RABGAP1: variants seen among roughly 807,000 people sequenced by gnomAD.
RABGAP1 encodes RAB GTPase activating protein 1.
RABGAP1 carries 23 observed loss-of-function variants against 137.6 expected under a neutral mutation model. The ratio of observed to expected loss-of-function variants is 0.17; its 90% CI spans 0.12 to 0.24. The LOEUF (loss-of-function observed/expected upper bound fraction) is 0.24, where lower values mean the gene tolerates loss of function less well. RABGAP1 is among the 10% of genes least tolerant of loss of function. The pLI is 1.00. For synonymous variants in RABGAP1, 451 were observed against 450.7 expected, an observed-to-expected ratio of 1.00 and a Z score of -0.01; for missense variants, 906 against 1,275.8, an observed-to-expected ratio of 0.71 and a Z score of 4.42.
rs376345763 is a variant in RABGAP1, at chr9:123,085,170, G to A, written c.2425-4588G>A. 1.8e-4 allele frequency among the ~76,000 whole-genome samples: 28 copies of A among 152,308 alleles called. No homozygotes were observed. The East Asian group carries it at 1.9e-3, about 10-fold the overall frequency. ...GAGAGATGTTTTGGACTGAATTTGT[G>A]CTTCTATCAAAATAACAAACTGGCA... On this transcript the variant is annotated intron_variant, in intron 19 of 25. Transcript: ENST00000373647.
chr9:122,996,693 C>A, intron 8 of RABGAP1, 88 bp downstream of exon 8: 2 of 1,123,238 alleles, frequency 1.8e-6, no homozygotes, highest in Non-Finnish European at 2.6e-6. Flanking sequence ...AGTGTTAAAA[C>A]ATGTTTAAGA....
chr9:122,962,247 AT>A lies in RABGAP1; in HGVS notation c.150+5039del, dbSNP rs879443570. ...CAGAGCTTAAAGATTAAAAAAAAAA[AT>A]GGGTAATCCCAGCACTTTGGGAGAG... On this transcript the variant is annotated intron_variant, in intron 2 of 25. Coordinates refer to ENST00000373647, the MANE Select transcript of RABGAP1 (RefSeq NM_012197.4). Among the ~76,000 whole-genome samples the A allele has an allele frequency of 1.6e-3, 246 of 149,198 alleles. 1 individual carries two copies. Among genetic ancestry groups the A allele is most frequent in the South Asian group, 4.1e-3 (19 of 4,664 alleles).
intron 21 of RABGAP1, among the ~76,000 whole-genome samples, chr9:123,096,889 C>G (rs1379145070): frequency 1.3e-5 from 2 of 152,096 alleles, no homozygotes; most frequent in African/African-American, 2.4e-5. Context: ...ATTTAAGGAC[C>G]CAGCTCTCTG....
At chr9:122,977,708 A>C (rs1835835607) in intron 2 of RABGAP1, among the ~76,000 whole-genome samples, 1 of 152,214 alleles carries the variant, frequency 6.6e-6, no homozygotes, top group Non-Finnish European at 1.5e-5. Context: ...ACTGTGTCTC[A>C]AAAAGAAAAA....
At chr9:123,076,370 G>A (rs2034510472) in intron 18 of RABGAP1, 84 bp downstream of exon 18, 2 of 1,462,636 alleles carry the variant, frequency 1.4e-6, no homozygotes, top group East Asian at 2.3e-5. Flanking sequence ...ATTCTGAGCA[G>A]TCACTGTGCA....
chr9:123,038,757 ATAT>A (rs1173673394), intron 13 of RABGAP1, among the ~76,000 whole-genome samples: 1 of 151,156 alleles, frequency 6.6e-6, no homozygotes, highest in Non-Finnish European at 1.5e-5. Flanking sequence ...TTAAATTTAT[ATAT>A]TATTAATATT....
intron 1 of RABGAP1, among the ~76,000 whole-genome samples, chr9:122,946,265 G>C (rs182256650): frequency 1.9e-3 from 286 of 152,274 alleles, no homozygotes; most frequent in African/African-American, 6.1e-3. Flanking sequence ...CTTAGACTTT[G>C]ATCATCTGTT....
At chr9:123,099,246 G>A (rs189504861) in intron 23 of RABGAP1, among the ~76,000 whole-genome samples, 2 of 152,234 alleles carry the variant, frequency 1.3e-5, no homozygotes, top group East Asian at 1.9e-4. Context: ...AGAAACCATT[G>A]GCCATTGAGT....
At chr9:122,984,117 A>G (rs1270821198) in intron 2 of RABGAP1, among the ~76,000 whole-genome samples, 1 of 152,206 alleles carries the variant, frequency 6.6e-6, no homozygotes, top group East Asian at 1.9e-4. Flanking sequence ...CTTAAGGGCT[A>G]GAGGAGACAC....
chr9:123,037,061 C>G (rs1396855796), intron 13 of RABGAP1, among the ~76,000 whole-genome samples: 4 of 152,136 alleles, frequency 2.6e-5, no homozygotes, highest in African/African-American at 9.7e-5. Context: ...CTTCAAGGGA[C>G]TTACTTGATC....
chr9:122,983,229 TTG>T (rs1255372229), intron 2 of RABGAP1, among the ~76,000 whole-genome samples: 1 of 151,692 alleles, frequency 6.6e-6, no homozygotes, highest in Non-Finnish European at 1.5e-5. Context: ...TCAGTTGCAC[TTG>T]TGTATGTGTA....
intron 6 of RABGAP1, among the ~76,000 whole-genome samples, chr9:122,992,258 C>G (rs1836764870): frequency 2.0e-5 from 3 of 152,116 alleles, no homozygotes; most frequent in African/African-American, 7.2e-5. Flanking sequence ...AGGCTGGTCT[C>G]AAACTCCCGG....
chr9:123,057,133 G>A (rs1394870338), intron 13 of RABGAP1, among the ~76,000 whole-genome samples: 1 of 151,322 alleles, frequency 6.6e-6, no homozygotes, highest in Non-Finnish European at 1.5e-5. Context: ...TCCCGGACGG[G>A]GCGGCTGGCC....
At chr9:123,047,510 A>G (rs991037147) in intron 13 of RABGAP1, among the ~76,000 whole-genome samples, 2 of 152,174 alleles carry the variant, frequency 1.3e-5, no homozygotes, top group African/African-American at 4.8e-5. Context: ...CTATGTGCTG[A>G]TAAGTTTTAA....
intron 13 of RABGAP1, chr9:123,033,496 G>A (rs893094291): frequency 1.3e-5 from 2 of 152,208 alleles, no homozygotes; most frequent in African/African-American, 4.8e-5. Context: ...GCACCTCTCT[G>A]ACGATGAATT....
At chr9:123,012,290 T>C (rs1237994685) in intron 11 of RABGAP1, among the ~76,000 whole-genome samples, 1 of 152,216 alleles carries the variant, frequency 6.6e-6, no homozygotes, top group Admixed American at 6.5e-5. Context: ...GTTTGCAGTT[T>C]CTCTTCTAGG....
intron 13 of RABGAP1, among the ~76,000 whole-genome samples, chr9:123,054,446 T>C (rs2033612910): frequency 6.6e-6 from 1 of 152,192 alleles, no homozygotes; most frequent in Admixed American, 6.5e-5. Flanking sequence ...TAAACTTTAT[T>C]TTCAAGAACA....
At chr9:123,093,802 A>G (rs1207467602) in intron 21 of RABGAP1, among the ~76,000 whole-genome samples, 1 of 152,218 alleles carries the variant, frequency 6.6e-6, no homozygotes, top group Non-Finnish European at 1.5e-5. Context: ...TCAGCTTATG[A>G]ATATCTAGAA....
chr9:123,060,224 G>A (rs1378948017), intron 13 of RABGAP1, among the ~76,000 whole-genome samples: 1 of 152,180 alleles, frequency 6.6e-6, no homozygotes, highest in African/African-American at 2.4e-5. Context: ...TTATATTTGT[G>A]TAAACACCAA....
Sources: gnomAD v4.1 joint callset for allele counts (sites outside exome capture counted in the v4.1 genomes callset) on GRCh38, gnomAD v4.1.1 for gene constraint, MANE v1.5 for transcripts, NCBI Gene and HGNC (gene_info 2026-07-23, HGNC 2026-07-21) for gene names.